SAXO2: variants seen among roughly 807,000 people sequenced by gnomAD.
The protein encoded by SAXO2 is family with sequence similarity 154, member B.
A neutral mutation model predicts 18.7 loss-of-function variants in SAXO2; 17 were observed. The ratio of observed to expected loss-of-function variants is 0.91; its 90% CI spans 0.62 to 1.36. The LOEUF (loss-of-function observed/expected upper bound fraction) is 1.36, where lower values mean the gene tolerates loss of function less well. SAXO2 is among the 40% of genes most tolerant of loss of function. SAXO2 has a pLI of 0.00. For missense variants in SAXO2, 486 were observed against 562.6 expected (o/e 0.86, Z 1.38); for synonymous variants, 163 against 181.2 (o/e 0.90, Z 0.81).
intron 2 of SAXO2, among the ~76,000 whole-genome samples, chr15:82,266,064 G>C (rs2075214753): frequency 6.6e-6 from 1 of 151,534 alleles, no homozygotes; most frequent in Admixed American, 6.6e-5. Context: ...TGGCTTCCCT[G>C]GGCCACATTG....
chr15:82,283,023 A>C lies in SAXO2; in HGVS notation c.1338A>C (p.Lys446Asn). 1 of 1,613,672 alleles carries C rather than the reference A, an allele frequency of 6.2e-7. No individual in the cohort carries two copies. The highest frequency in any genetic ancestry group is 8.5e-7 in the Non-Finnish European group (1 of 1,179,834). ...IFDNTNSQGH[K>N]FFRKIIPAVK... Reference sequence around the variant, plus strand: ...ACAATACAAATTCCCAAGGTCATAAATTCTTCCGCAAGATTATTCCTGCAG... The same window carrying C: ...ACAATACAAATTCCCAAGGTCATAACTTCTTCCGCAAGATTATTCCTGCAG... The change falls in exon 4 of 4, where the codon AAA becomes AAC. Residue 446 changes from lysine to asparagine, a missense_variant. Physicochemically the swap from Lys to Asn is moderately conservative, Grantham distance 94. Transcript: ENST00000682753.
In SAXO2 at chr15:82,265,715, G is replaced by A. The variant is rs1311693122; in HGVS notation, c.200G>A (p.Cys67Tyr). The A allele has an allele frequency of 4.4e-5, 67 of 1,529,758 alleles. No homozygotes were observed. In the East Asian group the frequency reaches 1.6e-3, roughly 36 times the overall value. The allele number at this position is 1,529,758 out of a possible 1,614,324, so 94.8% of individuals were successfully genotyped here. Reference protein sequence around the residue: ...SLKAKQEIRACHGKMEGITTF... With the variant: ...SLKAKQEIRAYHGKMEGITTF... ...AAAGCCAAGCAAGAAATTCGAGCAT[G>A]CCATGGTAAAATGGAAGGAATAACT... Residue 67 changes from cysteine (C) to tyrosine (Y), a missense_variant, in exon 2 of 4, where the codon TGC (cysteine) becomes TAC (tyrosine). Transcript: ENST00000682753.
chr15:82,265,832 A>G, intron 2 of SAXO2, 84 bp downstream of exon 2: 1 of 1,088,560 alleles, frequency 9.2e-7, no homozygotes, highest in Non-Finnish European at 1.3e-6. Flanking sequence ...ATTTAAATTG[A>G]ACTGTTCAGT....
intron 2 of SAXO2, among the ~76,000 whole-genome samples, chr15:82,267,218 A>G (rs1303084135): frequency 6.6e-6 from 1 of 152,218 alleles, no homozygotes; most frequent in Admixed American, 6.5e-5. Flanking sequence ...TATACATTTT[A>G]GGGACACACA....
intron 3 of SAXO2, chr15:82,272,029 C>G (rs1441712459): frequency 4.6e-6 from 2 of 436,822 alleles, no homozygotes; most frequent in South Asian, 5.3e-5. Context: ...AATTCATCTA[C>G]TTTGTTAGTT....
intron 1 of SAXO2, chr15:82,263,438 A>G (rs1434802052): frequency 7.1e-6 from 5 of 703,924 alleles, no homozygotes; most frequent in Non-Finnish European, 1.0e-5. Flanking sequence ...CTGAAAAGTC[A>G]GTAAGTAGTC....
Position 82,282,497 on chromosome 15 carries a change from T to G in SAXO2, c.812T>G (p.Leu271Arg), listed in dbSNP as rs148049557. 46 of 1,614,068 alleles carry G rather than the reference T, an allele frequency of 2.8e-5. No individual in the cohort carries two copies. Among genetic ancestry groups the G allele is most frequent in the Middle Eastern group, 1.6e-4 (1 of 6,084 alleles). ...CACACCAGAGTGACCCAGAATGCTC[T>G]GTTTGAAGGAAGCACTGAATTCCGT... ...PVHTRVTQNA[L>R]FEGSTEFRES... Residue 271 changes from leucine to arginine, a missense_variant, in exon 4 of 4, where the codon CTG becomes CGG. Leu to Arg is a moderately radical substitution (Grantham distance 102). Coordinates refer to ENST00000682753, the MANE Select transcript of SAXO2 (RefSeq NM_001348699.2).
chr15:82,264,414 A>G (rs2075189909), intron 1 of SAXO2, among the ~76,000 whole-genome samples: 2 of 150,416 alleles, frequency 1.3e-5, no homozygotes, highest in Non-Finnish European at 3.0e-5. Flanking sequence ...TGAGCATACT[A>G]TTCTACAATC....
intron 2 of SAXO2, among the ~76,000 whole-genome samples, chr15:82,270,586 C>G (rs1309300310): frequency 2.0e-5 from 3 of 152,118 alleles, no homozygotes; most frequent in Non-Finnish European, 4.4e-5. Flanking sequence ...CTTTGGGGAA[C>G]TTACAGACAT....
chr15:82,263,047 GA>G, intron 1 of SAXO2, 115 bp downstream of exon 1: 2 of 1,531,084 alleles, frequency 1.3e-6, no homozygotes, highest in Non-Finnish European at 1.8e-6. Flanking sequence ...GAGATGAAGG[GA>G]CGAGGGCGCA....
intron 3 of SAXO2, among the ~76,000 whole-genome samples, chr15:82,276,634 T>A (rs1429010806): frequency 6.6e-6 from 1 of 152,134 alleles, no homozygotes; most frequent in Non-Finnish European, 1.5e-5. Flanking sequence ...CCATAAATGA[T>A]GCTGGAAAAA....
chr15:82,269,955 T>C (rs955296890), intron 2 of SAXO2, among the ~76,000 whole-genome samples: 5 of 152,152 alleles, frequency 3.3e-5, no homozygotes, highest in African/African-American at 9.7e-5. Context: ...ATGGTGATAG[T>C]GTTCACTTAA....
At chr15:82,266,145 C>A (rs1481790737) in intron 2 of SAXO2, among the ~76,000 whole-genome samples, 6 of 149,230 alleles carry the variant, frequency 4.0e-5, no homozygotes, top group Admixed American at 2.7e-4. Flanking sequence ...TAAACAACAA[C>A]AAAAAAAAAA....
intron 3 of SAXO2, among the ~76,000 whole-genome samples, chr15:82,274,004 G>A (rs150855634): frequency 0.018 from 2,774 of 151,990 alleles, 54 homozygotes; most frequent in Non-Finnish European, 0.026. Flanking sequence ...CCAAAGTGCT[G>A]GGATTACAGG....
chr15:82,282,252 G>A lies in SAXO2; in HGVS notation c.567G>A (p.Arg189=), dbSNP rs751648152. 2 of 1,614,124 alleles carry A rather than the reference G, an allele frequency of 1.2e-6. No individual in the cohort carries two copies. Among genetic ancestry groups the A allele is most frequent in the Admixed American group, 3.3e-5 (2 of 60,008 alleles). Residue 189 remains arginine (R), a synonymous_variant, in exon 4 of 4, where the codon AGG becomes AGA. Coordinates refer to ENST00000682753, the MANE Select transcript of SAXO2 (RefSeq NM_001348699.2). ...DDFVPQEIKP[R]QSFKPSSVVK... Reference sequence around the variant, plus strand: ...TTGTTCCTCAGGAGATAAAGCCTAGGCAAAGCTTTAAACCCTCCTCTGTGG... The same window carrying A: ...TTGTTCCTCAGGAGATAAAGCCTAGACAAAGCTTTAAACCCTCCTCTGTGG...
intron 3 of SAXO2, among the ~76,000 whole-genome samples, chr15:82,276,121 T>A (rs538721081): frequency 6.6e-6 from 1 of 152,070 alleles, no homozygotes; most frequent in East Asian, 1.9e-4. Flanking sequence ...AAGCTGAGAA[T>A]CAAATCAAGA....
chr15:82,276,930 A>G (rs1223237939), intron 3 of SAXO2, among the ~76,000 whole-genome samples: 1 of 152,226 alleles, frequency 6.6e-6, no homozygotes, highest in African/African-American at 2.4e-5. Context: ...GTAAATATGA[A>G]AGAATATTGA....
At chr15:82,263,212 G>A in intron 1 of SAXO2, 1 of 1,456,716 alleles carries the variant, frequency 6.9e-7, no homozygotes, top group Non-Finnish European at 9.0e-7. Flanking sequence ...GTGAAGCCGC[G>A]ACGGGATATA....
rs141913047 is a variant in SAXO2, at chr15:82,279,541, G to A, written c.434-2578G>A. Among the ~76,000 whole-genome samples, 1,052 of 152,238 alleles carry A rather than the reference G, an allele frequency of 6.9e-3. 10 individuals carry two copies. The highest frequency in any genetic ancestry group is 8.1e-3 in the Non-Finnish European group (554 of 68,008). On this transcript the variant is annotated intron_variant, in intron 3 of 3. Coordinates refer to ENST00000682753, the MANE Select transcript of SAXO2 (RefSeq NM_001348699.2). ...ATCCAAATAAAGATGTCTAGTAGGT[G>A]GATAAATATGTGGGTTGGTGTTTGA...
Sources: gnomAD v4.1 joint callset for allele counts (sites outside exome capture counted in the v4.1 genomes callset) on GRCh38, gnomAD v4.1.1 for gene constraint, MANE v1.5 for transcripts, NCBI Gene and HGNC (gene_info 2026-07-23, HGNC 2026-07-21) for gene names.